PSD3: variants seen among roughly 807,000 people sequenced by gnomAD.
PSD3 encodes the protein pleckstrin and Sec7 domain containing 3.
A neutral mutation model predicts 105.5 loss-of-function variants in PSD3; 49 were observed. That is an observed-to-expected ratio of 0.46 (90% confidence interval 0.37 to 0.59). The LOEUF (loss-of-function observed/expected upper bound fraction) is 0.59. Among genes scored for constraint, PSD3 ranks in the 20% least tolerant of loss-of-function variants. PSD3 has a pLI of 0.00. For synonymous variants in PSD3, 557 were observed against 457.8 expected, an observed-to-expected ratio of 1.22 and a Z score of -2.77; for missense variants, 1,561 against 1,263.8, an observed-to-expected ratio of 1.24 and a Z score of -3.57.
chr8:18,538,404 A>C (rs1266126021), intron 15 of PSD3, among the ~76,000 whole-genome samples: 1 of 152,230 alleles, frequency 6.6e-6, no homozygotes, highest in African/African-American at 2.4e-5. Context: ...ACTGAACAAG[A>C]TAATATCCAC....
At chr8:18,891,146 A>G (rs1818759249) in intron 2 of PSD3, among the ~76,000 whole-genome samples, 1 of 152,208 alleles carries the variant, frequency 6.6e-6, no homozygotes, top group Non-Finnish European at 1.5e-5. Context: ...TACCAGGTAG[A>G]TATCAGGTAT....
intron 4 of PSD3, among the ~76,000 whole-genome samples, chr8:18,863,198 T>A (rs1311655957): frequency 1.3e-5 from 2 of 152,226 alleles, no homozygotes; most frequent in Admixed American, 1.3e-4. Flanking sequence ...TCAATGGAAA[T>A]GGACAATATC....
At chr8:18,696,637 A>C (rs1282190999) in intron 9 of PSD3, among the ~76,000 whole-genome samples, 1 of 152,222 alleles carries the variant, frequency 6.6e-6, no homozygotes, top group Non-Finnish European at 1.5e-5. Flanking sequence ...CATTATAATA[A>C]GTATCACAGT....
At chr8:18,970,490 A>G (rs1824580851) in intron 1 of PSD3, among the ~76,000 whole-genome samples, 1 of 152,034 alleles carries the variant, frequency 6.6e-6, no homozygotes, top group Non-Finnish European at 1.5e-5. Flanking sequence ...TTAGACTGTA[A>G]TTTTTCTACC....
chr8:18,895,238 C>G (rs1399907119), intron 2 of PSD3, among the ~76,000 whole-genome samples: 1 of 152,210 alleles, frequency 6.6e-6, no homozygotes, highest in East Asian at 1.9e-4. Flanking sequence ...CAATTCCCAA[C>G]TGTCTGGCAG....
chr8:18,660,319 C>T (rs556953482), intron 9 of PSD3, among the ~76,000 whole-genome samples: 39 of 152,226 alleles, frequency 2.6e-4, no homozygotes, highest in Admixed American at 7.2e-4. Context: ...GACTTTTCCC[C>T]TGAACCCTCC....
At chr8:18,570,828 C>A (rs981864682) in intron 14 of PSD3, among the ~76,000 whole-genome samples, 9 of 139,630 alleles carry the variant, frequency 6.4e-5, no homozygotes, top group African/African-American at 2.4e-4. Flanking sequence ...GATCACATTA[C>A]TGTCCTGCTT....
At position 19,030,240 on chromosome 8, in the gene PSD3, C is replaced by A. The variant is rs117715696; in HGVS notation, c.324+53966G>T. 9.9e-3 allele frequency among the ~76,000 whole-genome samples: 1,510 copies of A among 152,166 alleles called. 53 individuals are homozygous for A. The highest frequency in any genetic ancestry group is 0.069 in the Admixed American group (1,049 of 15,278). ...CTTTTGAGATACTCATATGATTTTT[C>A]TTTTTTATGCTGTAATTTTGGTGAA... On this transcript the variant is annotated intron_variant, in intron 1 of 1. Coordinates refer to the PSD3 transcript ENST00000521475.
intron 9 of PSD3, among the ~76,000 whole-genome samples, chr8:18,693,629 A>G (rs1315960855): frequency 6.6e-6 from 1 of 152,142 alleles, no homozygotes; most frequent in Non-Finnish European, 1.5e-5. Context: ...TGGCGTAAAG[A>G]CTCAGAGTCG....
rs921099917 is a variant in PSD3, at chr8:18,925,883, C to T, written c.130+10151G>A. 3.9e-5 allele frequency among the ~76,000 whole-genome samples: 6 copies of T among 152,256 alleles called. No individual in the cohort carries two copies. The East Asian group carries it at 7.7e-4, about 20-fold the overall frequency. On this transcript the variant is annotated intron_variant, in intron 2 of 15. Transcript: ENST00000327040. ...CTGCTCAACTCAAAAAACAAAACCACGTACAGTGAATTCTTATCTTTTTAA... is the reference window on the plus strand; with the variant it reads ...CTGCTCAACTCAAAAAACAAAACCATGTACAGTGAATTCTTATCTTTTTAA...
At chr8:19,062,535 T>C (rs1828939052) in intron 1 of PSD3, among the ~76,000 whole-genome samples, 1 of 152,222 alleles carries the variant, frequency 6.6e-6, no homozygotes, top group Non-Finnish European at 1.5e-5. Context: ...TTGTCATATA[T>C]GAATAACAAC....
In PSD3 at chr8:18,709,757, A is replaced by G. The variant is rs9987241; in HGVS notation, c.2173-54072T>C. ...CCAGAAACCACAGCAGCCCTATGGA[A>G]GAGGGACCTAACTATTAAAAGAAAA... On this transcript the variant is annotated intron_variant, in intron 9 of 15. Coordinates refer to ENST00000327040, the MANE Select transcript of PSD3 (RefSeq NM_015310.4). Among the ~76,000 whole-genome samples, 1,434 of 152,316 alleles carry G rather than the reference A, an allele frequency of 9.4e-3. 29 individuals carry two copies. Among genetic ancestry groups the G allele is most frequent in the African/African-American group, 0.033 (1,380 of 41,572 alleles).
Position 18,581,851 on chromosome 8 carries a change from A to T in PSD3, c.2482-6566T>A, listed in dbSNP as rs114214239. Reference sequence around the variant, plus strand: ...AGGGATCTGACATTACTATCGTGATACTCCGTGGATTTACTCTTTGCTTGA... The same window carrying T: ...AGGGATCTGACATTACTATCGTGATTCTCCGTGGATTTACTCTTTGCTTGA... On this transcript the variant is annotated intron_variant, in intron 12 of 15. Transcript: ENST00000327040. Among the ~76,000 whole-genome samples the T allele has an allele frequency of 4.1e-3, 624 of 152,244 alleles. 3 individuals carry two copies. Among genetic ancestry groups the T allele is most frequent in the African/African-American group, 0.014 (582 of 41,534 alleles).
At chr8:19,013,782 G>T (rs1309524586), upstream of PSD3, 41 of 227,470 alleles carry the variant, frequency 1.8e-4, no homozygotes, top group Non-Finnish European at 3.1e-4. Context: ...CCGGCCCCCA[G>T]TAACGTCAAA....
At chr8:19,051,397 A>G (rs1396908263) in intron 1 of PSD3, among the ~76,000 whole-genome samples, 1 of 152,126 alleles carries the variant, frequency 6.6e-6, no homozygotes, top group East Asian at 1.9e-4. Context: ...TATTCGTGTT[A>G]TCAAAACTTG....
At chr8:18,619,272 C>T (rs1250896028) in intron 11 of PSD3, among the ~76,000 whole-genome samples, 4 of 152,182 alleles carry the variant, frequency 2.6e-5, no homozygotes, top group African/African-American at 9.6e-5. Flanking sequence ...CCCGACTGAC[C>T]AGCATTACGG....
chr8:18,557,175 T>C (rs1161513318), intron 14 of PSD3, among the ~76,000 whole-genome samples: 2 of 152,188 alleles, frequency 1.3e-5, no homozygotes, highest in Non-Finnish European at 2.9e-5. Flanking sequence ...TTCTTGAAAA[T>C]GTATGACTCC....
rs1053579655 is a variant in PSD3 at position 18,917,879 on chromosome 8, A to C, written c.130+18155T>G. On this transcript the variant is annotated intron_variant, in intron 2 of 15. Coordinates refer to ENST00000327040, the MANE Select transcript of PSD3 (RefSeq NM_015310.4). Reference sequence around the variant, plus strand: ...ATCTGGATTCCTTTCATGGAAGAGAACTTTTATTTTGTCTAAGCCACCGGT... The same window carrying C: ...ATCTGGATTCCTTTCATGGAAGAGACCTTTTATTTTGTCTAAGCCACCGGT... Among the ~76,000 whole-genome samples the C allele has an allele frequency of 3.3e-5, 5 of 152,142 alleles. No individual in the cohort carries two copies. The East Asian group carries it at 9.7e-4, about 29-fold the overall frequency.
At chr8:19,025,560 G>C (rs1563516406) in intron 1 of PSD3, among the ~76,000 whole-genome samples, 1 of 152,144 alleles carries the variant, frequency 6.6e-6, no homozygotes, top group Non-Finnish European at 1.5e-5. Flanking sequence ...GCACTGGCCA[G>C]GGTTGAGGTC....
Sources: gnomAD v4.1 joint callset for allele counts (sites outside exome capture counted in the v4.1 genomes callset) on GRCh38, gnomAD v4.1.1 for gene constraint, MANE v1.5 for transcripts, NCBI Gene and HGNC (gene_info 2026-07-23, HGNC 2026-07-21) for gene names.